Variants in HECW2 observed in about 807,000 individuals in gnomAD.
HECW2 encodes E3 ubiquitin-protein ligase HECW2.
A neutral mutation model predicts 175.2 loss-of-function variants in HECW2; 61 were observed. The observed-to-expected ratio is 0.35, with a 90% CI of 0.28 to 0.43. The LOEUF is 0.43. HECW2 is among the 20% of genes least tolerant of loss of function. The pLI is 1.00. For synonymous variants in HECW2, 671 were observed against 731.0 expected (o/e 0.92, Z 1.32); for missense variants, 1,524 against 2,000.5 (o/e 0.76, Z 4.54).
At chr2:196,331,270 G>T in intron 4 of HECW2, 1 of 984,730 alleles carries the variant, frequency 1.0e-6, no homozygotes, top group African/African-American at 1.7e-5. Flanking sequence ...ATATTGTATT[G>T]TACTCCTCTG....
chr2:196,396,182 A>G (rs934229105), intron 2 of HECW2, among the ~76,000 whole-genome samples: 2 of 152,232 alleles, frequency 1.3e-5, no homozygotes, highest in African/African-American at 4.8e-5. Context: ...TCATAGAGAC[A>G]GAAAGTAGAA....
At chr2:196,439,202 T>C (rs1695969864) in intron 1 of HECW2, among the ~76,000 whole-genome samples, 1 of 152,230 alleles carries the variant, frequency 6.6e-6, no homozygotes, top group Non-Finnish European at 1.5e-5. Flanking sequence ...ATGGTTATTT[T>C]AGTAGGCAAA....
chr2:196,286,387 C>CATATATATATATATATATAT (rs201658582), intron 14 of HECW2, among the ~76,000 whole-genome samples: 60 of 137,694 alleles, frequency 4.4e-4, no homozygotes, highest in African/African-American at 9.7e-4. Flanking sequence ...AGATGGAGGT[C>CATATATATATATATATATAT]ATATATATAT....
At chr2:196,322,719 C>A in intron 6 of HECW2, 99 bp from the exon 7 acceptor site, 1 of 1,091,840 alleles carries the variant, frequency 9.2e-7, no homozygotes, top group South Asian at 1.6e-5. Flanking sequence ...TAAATTCTAA[C>A]AACATACAGA....
At chr2:196,336,026 C>T (rs1451796562) in intron 3 of HECW2, among the ~76,000 whole-genome samples, 2 of 152,088 alleles carry the variant, frequency 1.3e-5, no homozygotes, top group Admixed American at 1.3e-4. Flanking sequence ...ATGGTGGAGT[C>T]AGAAAGGTGT....
chr2:196,484,687 C>T (rs1352650552), intron 1 of HECW2, among the ~76,000 whole-genome samples: 1 of 152,098 alleles, frequency 6.6e-6, no homozygotes, highest in Non-Finnish European at 1.5e-5. Flanking sequence ...TTGGGTACAA[C>T]CTATTTTGGT....
At chr2:196,587,920 T>C (rs1199943165) in intron 1 of HECW2, among the ~76,000 whole-genome samples, 1 of 152,218 alleles carries the variant, frequency 6.6e-6, no homozygotes, top group Admixed American at 6.5e-5. Context: ...ATGCTGATCT[T>C]GCAAATCTTT....
intron 1 of HECW2, among the ~76,000 whole-genome samples, chr2:196,576,052 G>A (rs1305906639): frequency 2.0e-5 from 3 of 148,350 alleles, no homozygotes; most frequent in Admixed American, 2.0e-4. Flanking sequence ...TATTAACGGT[G>A]GTCTCATAAG....
At chr2:196,434,072 T>C (rs909999402) in intron 1 of HECW2, among the ~76,000 whole-genome samples, 4 of 152,218 alleles carry the variant, frequency 2.6e-5, no homozygotes, top group African/African-American at 9.6e-5. Flanking sequence ...ATTTTTGTGA[T>C]CTAACGTACC....
At chr2:196,270,753 T>G (rs1310992075) in intron 17 of HECW2, among the ~76,000 whole-genome samples, 1 of 151,934 alleles carries the variant, frequency 6.6e-6, no homozygotes, top group Non-Finnish European at 1.5e-5. Context: ...CAGGCTGGAG[T>G]GCAGTGGTGC....
At chr2:196,476,777 T>C (rs565857153) in intron 1 of HECW2, among the ~76,000 whole-genome samples, 1 of 151,554 alleles carries the variant, frequency 6.6e-6, no homozygotes, top group African/African-American at 2.4e-5. Flanking sequence ...AGCTTAAAAT[T>C]TGGGGTACAC....
chr2:196,321,442 G>T (rs1691938970), intron 7 of HECW2, among the ~76,000 whole-genome samples: 2 of 144,394 alleles, frequency 1.4e-5, no homozygotes, highest in South Asian at 4.3e-4. Context: ...GGTTGCCTAG[G>T]TTGGAGTGTA....
chr2:196,322,469 G>A lies in HECW2; in HGVS notation c.884+9C>T. ...CTCAACAAGATCCCCAAAGGTAAGG[G>A]CTGATTACCCGATGGCTTGTCGCTC... On this transcript the variant is annotated intron_variant, in intron 7 of 28. Transcript: ENST00000644978. 1 of 1,612,076 alleles carries A rather than the reference G, an allele frequency of 6.2e-7. No homozygotes were observed. The highest frequency in any genetic ancestry group is 2.2e-5 in the East Asian group (1 of 44,850).
rs113456063 is a variant in HECW2 at position 196,320,473 on chromosome 2, T to G, written c.885-34A>C. 413 of 1,412,766 alleles carry G rather than the reference T, an allele frequency of 2.9e-4. 1 individual carries two copies. The African/African-American group carries it at 4.8e-3, about 16-fold the overall frequency. The allele number at this position is 1,412,766 out of a possible 1,614,324, so 87.5% of individuals were successfully genotyped here. ...AGAGAAATGCTTCTTTCATCCTGACTACGCTGGAGTCAGCCTTCGCCGTCT... is the reference window on the plus strand; with the variant it reads ...AGAGAAATGCTTCTTTCATCCTGACGACGCTGGAGTCAGCCTTCGCCGTCT... On this transcript the variant is annotated intron_variant, in intron 7 of 28. Coordinates refer to ENST00000644978, the MANE Select transcript of HECW2 (RefSeq NM_001348768.2).
Position 196,230,521 on chromosome 2 carries a change from C to T in HECW2, c.3765-2267G>A, listed in dbSNP as rs189998620. 6.5e-3 allele frequency among the ~76,000 whole-genome samples: 997 copies of T among 152,236 alleles called. 4 individuals carry two copies. Among genetic ancestry groups the T allele is most frequent in the Non-Finnish European group, 0.011 (767 of 68,018 alleles). Reference sequence around the variant, plus strand: ...TCCCTTTCCCACTCCTGAGCATGGCCACTTCCTTCAACCTTCTCTCAGGGC... The same window carrying T: ...TCCCTTTCCCACTCCTGAGCATGGCTACTTCCTTCAACCTTCTCTCAGGGC... On this transcript the variant is annotated intron_variant, in intron 21 of 28. Coordinates refer to ENST00000644978, the MANE Select transcript of HECW2 (RefSeq NM_001348768.2).
Position 196,395,085 on chromosome 2 carries a change from T to A in HECW2, c.292+38047A>T, listed in dbSNP as rs1235748794. 4.6e-5 allele frequency among the ~76,000 whole-genome samples: 7 copies of A among 152,094 alleles called. 1 individual carries two copies. On this transcript the variant is annotated intron_variant, in intron 2 of 28. Transcript: ENST00000644978. Reference sequence around the variant, plus strand: ...TGAGAGGTCTGCCCTCATGACCTCATCACCTCTCAAAGGCCCCAACTCCTA... The same window carrying A: ...TGAGAGGTCTGCCCTCATGACCTCAACACCTCTCAAAGGCCCCAACTCCTA...
At chr2:196,441,669 T>C (rs546005083) in intron 1 of HECW2, among the ~76,000 whole-genome samples, 2 of 152,242 alleles carry the variant, frequency 1.3e-5, no homozygotes, top group East Asian at 1.9e-4. Flanking sequence ...AGAGAGAGCA[T>C]TTTCAGTCAT....
At chr2:196,296,169 T>G (rs571604120) in intron 13 of HECW2, among the ~76,000 whole-genome samples, 54 of 152,348 alleles carry the variant, frequency 3.5e-4, no homozygotes, top group South Asian at 2.3e-3. Context: ...TATATATATA[T>G]GTAATTTATA....
intron 10 of HECW2, among the ~76,000 whole-genome samples, chr2:196,312,853 C>T (rs542002237): frequency 6.6e-6 from 1 of 152,246 alleles, no homozygotes; most frequent in South Asian, 2.1e-4. Flanking sequence ...ATAAGAGTCC[C>T]TAACCCTAAA....
Sources: gnomAD v4.1 joint callset for allele counts (sites outside exome capture counted in the v4.1 genomes callset) on GRCh38, gnomAD v4.1.1 for gene constraint, MANE v1.5 for transcripts, NCBI Gene and HGNC (gene_info 2026-07-23, HGNC 2026-07-21) for gene names.